BAZ1B: variants seen among roughly 807,000 people sequenced by gnomAD.
The protein encoded by BAZ1B is bromodomain adjacent to zinc finger domain 1B.
A neutral mutation model predicts 153.8 loss-of-function variants in BAZ1B; 22 were observed. The observed-to-expected ratio is 0.14, with a 90% CI of 0.10 to 0.20. The LOEUF (loss-of-function observed/expected upper bound fraction) is 0.20. Ranked by LOEUF, BAZ1B falls within the 10% of genes least tolerant of loss-of-function variation. BAZ1B has a pLI of 1.00. For missense variants in BAZ1B, 1,325 were observed against 1,799.3 expected, an observed-to-expected ratio of 0.74 and a Z score of 4.77; for synonymous variants, 676 against 633.4, an observed-to-expected ratio of 1.07 and a Z score of -1.01.
chr7:73,466,449 C>T (rs782745918), intron 9 of BAZ1B, 48 bp from the exon 10 acceptor site: 28 of 1,358,104 alleles, frequency 2.1e-5, no homozygotes, highest in Non-Finnish European at 2.4e-5. Context: ...TACCCAATTG[C>T]TAGTTTCAAA....
chr7:73,476,785 A>C, intron 7 of BAZ1B, 83 bp downstream of exon 7: 1 of 1,517,580 alleles, frequency 6.6e-7, no homozygotes, highest in Non-Finnish European at 8.8e-7. Context: ...AAACAAACAG[A>C]GACCCTACCA....
chr7:73,449,014 TAGCGGAGAC>T (rs1554567402), intron 15 of BAZ1B, among the ~76,000 whole-genome samples: 1 of 152,092 alleles, frequency 6.6e-6, no homozygotes. Flanking sequence ...GGACAAATGA[TAGCGGAGAC>T]CACGGAGAAT....
At chr7:73,496,859 G>A (rs146971662) in intron 4 of BAZ1B, among the ~76,000 whole-genome samples, 1 of 151,938 alleles carries the variant, frequency 6.6e-6, no homozygotes, top group Non-Finnish European at 1.5e-5. Flanking sequence ...ATACAGCCAG[G>A]CACAGTGCGT....
intron 2 of BAZ1B, among the ~76,000 whole-genome samples, chr7:73,508,822 G>T (rs566684008): frequency 6.6e-6 from 1 of 151,552 alleles, no homozygotes; most frequent in Non-Finnish European, 1.5e-5. Flanking sequence ...GACCATCCTG[G>T]CTAACACGAT....
At position 73,441,171 on chromosome 7, in the gene BAZ1B, G is replaced by GA. The variant is rs1787600797; in HGVS notation, c.*537dup. On this transcript the variant is annotated 3_prime_UTR_variant, in exon 20 of 20. Transcript: ENST00000339594. ...AACCCAACTGCTCTAGAGGAGAGTGGATGGGCTGAAGGAGAAGCCAGGGAA... is the reference window on the plus strand; with the variant it reads ...AACCCAACTGCTCTAGAGGAGAGTGGAATGGGCTGAAGGAGAAGCCAGGGAA... 1 of 152,650 alleles carries GA rather than the reference G, an allele frequency of 6.6e-6. No homozygotes were observed. The highest frequency in any genetic ancestry group is 1.5e-5 in the Non-Finnish European group (1 of 68,096). The allele number at this position is 152,650 out of a possible 1,614,324, so 9.5% of individuals were successfully genotyped here. A position where few individuals can be genotyped will look rare whatever the true frequency, so the allele number is the denominator to read the frequency against.
intron 3 of BAZ1B, among the ~76,000 whole-genome samples, chr7:73,502,424 T>C (rs1203668386): frequency 6.6e-6 from 1 of 151,930 alleles, no homozygotes; most frequent in Non-Finnish European, 1.5e-5. Context: ...GTACCCACCA[T>C]ACAGGTTAAA....
intron 1 of BAZ1B, among the ~76,000 whole-genome samples, chr7:73,521,076 C>G (rs1290599447): frequency 6.6e-6 from 1 of 152,170 alleles, no homozygotes; most frequent in Non-Finnish European, 1.5e-5. Context: ...TCCTAAAATA[C>G]AACATAAAAA....
chr7:73,484,288 G>GAGGAAGAT (rs1173190413), intron 6 of BAZ1B, among the ~76,000 whole-genome samples: 2 of 144,780 alleles, frequency 1.4e-5, no homozygotes, highest in Non-Finnish European at 3.1e-5. Flanking sequence ...GGGACGGAGG[G>GAGGAAGAT]AGGAAGATAG....
chr7:73,441,785 T>C (rs1216763761), intron 19 of BAZ1B, 92 bp from the exon 20 acceptor site: 1 of 210,444 alleles, frequency 4.8e-6, no homozygotes, highest in African/African-American at 2.3e-5. Context: ...ATCGCCACCA[T>C]CTCCCCTGTT....
Position 73,522,093 on chromosome 7 carries a change from G to C in BAZ1B, c.-160C>G, listed in dbSNP as rs1449127062. On this transcript the variant is annotated 5_prime_UTR_variant, in exon 1 of 20. Coordinates refer to ENST00000339594, the MANE Select transcript of BAZ1B (RefSeq NM_032408.4). ...CTCCGGCTCCCTCACCGCCGGCGCGGCCGCGCGACAGTCATGGAGCGGAAC... is the reference window on the plus strand; with the variant it reads ...CTCCGGCTCCCTCACCGCCGGCGCGCCCGCGCGACAGTCATGGAGCGGAAC... 1 of 448,844 alleles carries C rather than the reference G, an allele frequency of 2.2e-6. No homozygotes were observed. Among genetic ancestry groups the C allele is most frequent in the African/African-American group, 2.0e-5 (1 of 49,394 alleles). The allele number at this position is 448,844 out of a possible 1,614,324, so 27.8% of individuals were successfully genotyped here.
At chr7:73,497,027 A>T (rs1789931035) in intron 4 of BAZ1B, among the ~76,000 whole-genome samples, 1 of 149,702 alleles carries the variant, frequency 6.7e-6, no homozygotes, top group Non-Finnish European at 1.5e-5. Context: ...TCACGAGTAC[A>T]AGACCAGCCT....
At chr7:73,485,436 G>C (rs1476761097) in intron 6 of BAZ1B, among the ~76,000 whole-genome samples, 1 of 151,936 alleles carries the variant, frequency 6.6e-6, no homozygotes, top group Non-Finnish European at 1.5e-5. Context: ...GCATGGGCAA[G>C]AGTGAGACTC....
chr7:73,443,049 G>A (rs1787688556), intron 17 of BAZ1B, among the ~76,000 whole-genome samples: 1 of 152,196 alleles, frequency 6.6e-6, no homozygotes, highest in Admixed American at 6.5e-5. Flanking sequence ...CGGGGCCACG[G>A]CAATCAAAGC....
At chr7:73,509,813 C>CA (rs782401176) in intron 2 of BAZ1B, among the ~76,000 whole-genome samples, 389 of 133,800 alleles carry the variant, frequency 2.9e-3, no homozygotes, top group African/African-American at 5.4e-3. Context: ...ATTAAACTAG[C>CA]AAAAAAAAAA....
intron 2 of BAZ1B, among the ~76,000 whole-genome samples, chr7:73,509,845 G>C (rs975851922): frequency 2.0e-5 from 3 of 151,916 alleles, no homozygotes; most frequent in African/African-American, 7.3e-5. Flanking sequence ...TATCATACCC[G>C]GTTGGGTGCA....
chr7:73,450,997 A>C lies in BAZ1B; in HGVS notation c.3433-3T>G. 1 of 1,613,964 alleles carries C rather than the reference A, an allele frequency of 6.2e-7. No homozygotes were observed. The highest frequency in any genetic ancestry group is 8.5e-7 in the Non-Finnish European group (1 of 1,179,870). ...CATTTCTCCAGTGCAGATGCAACCT[A>C]AACAGAGACCAAACCAGGCCAGCAT... is the stretch of plus-strand genomic sequence containing the variant. On this transcript the variant is annotated splice_region_variant and splice_polypyrimidine_tract_variant and intron_variant, in intron 13 of 19. Coordinates refer to ENST00000339594, the MANE Select transcript of BAZ1B (RefSeq NM_032408.4). This position sits in a 1 kb window ranked among gnomAD's most constrained non-coding sequence, Gnocchi z 4.1.
chr7:73,487,160 TA>T (rs1354842952), intron 6 of BAZ1B, among the ~76,000 whole-genome samples: 2 of 152,244 alleles, frequency 1.3e-5, no homozygotes, highest in African/African-American at 2.4e-5. Context: ...CCAAATTTCA[TA>T]ACATTAGTAA....
intron 1 of BAZ1B, among the ~76,000 whole-genome samples, chr7:73,516,851 T>C (rs539544120): frequency 2.7e-5 from 4 of 150,288 alleles, no homozygotes; most frequent in African/African-American, 7.4e-5. Flanking sequence ...TTTAAGTTTG[T>C]GTAACTGTTC....
chr7:73,511,183 G>C (rs1790562681), intron 1 of BAZ1B, among the ~76,000 whole-genome samples: 1 of 151,808 alleles, frequency 6.6e-6, no homozygotes, highest in African/African-American at 2.4e-5. Flanking sequence ...CAGGAGAATG[G>C]CGTGAACCCG....
Sources: gnomAD v4.1 joint callset for allele counts (sites outside exome capture counted in the v4.1 genomes callset) on GRCh38, gnomAD v4.1.1 for gene constraint, Gnocchi (gnomAD v3.1) non-coding constraint, MANE v1.5 for transcripts, NCBI Gene and HGNC (gene_info 2026-07-23, HGNC 2026-07-21) for gene names.